IMMP2L: variants seen among roughly 807,000 people sequenced by gnomAD.
IMMP2L encodes mitochondrial inner membrane protease subunit 2.
IMMP2L carries 18 observed loss-of-function variants against 19.3 expected under a neutral mutation model. The observed-to-expected ratio is 0.93, with a 90% CI of 0.64 to 1.38. IMMP2L has a LOEUF of 1.38. IMMP2L is among the 40% of genes most tolerant of loss of function. The pLI is 0.00. For synonymous variants in IMMP2L, 76 were observed against 73.0 expected, an observed-to-expected ratio of 1.04 and a Z score of -0.21; for missense variants, 233 against 218.2, an observed-to-expected ratio of 1.07 and a Z score of -0.43.
At chr7:111,066,874 A>G (rs1794554146) in intron 3 of IMMP2L, among the ~76,000 whole-genome samples, 1 of 152,210 alleles carries the variant, frequency 6.6e-6, no homozygotes, top group Non-Finnish European at 1.5e-5. Context: ...GTTACATGGT[A>G]TCAGTCAACC....
intron 5 of IMMP2L, among the ~76,000 whole-genome samples, chr7:110,687,608 C>T (rs1217997230): frequency 6.6e-6 from 1 of 151,976 alleles, no homozygotes; most frequent in African/African-American, 2.4e-5. Context: ...TATTTTATAA[C>T]AAATTAGTTT....
intron 3 of IMMP2L, among the ~76,000 whole-genome samples, chr7:111,053,973 G>A (rs187806083): frequency 4.2e-4 from 64 of 152,130 alleles, no homozygotes; most frequent in Middle Eastern, 6.8e-3. Context: ...TTCATTTTCA[G>A]AGGGAAATTA....
intron 3 of IMMP2L, among the ~76,000 whole-genome samples, chr7:110,989,381 T>A (rs987623118): frequency 4.6e-5 from 7 of 151,422 alleles, no homozygotes; most frequent in Admixed American, 6.6e-5. Context: ...TACAAAAAAA[T>A]TTTTTAAAAA....
chr7:110,896,808 T>C (rs1585179316), intron 4 of IMMP2L, among the ~76,000 whole-genome samples: 1 of 151,786 alleles, frequency 6.6e-6, no homozygotes, highest in Admixed American at 6.6e-5. Flanking sequence ...TTCAGTGCAT[T>C]CTGCTTTTTT....
rs564417519 is a variant in IMMP2L at position 111,019,286 on chromosome 7, T to C, written c.240-55721A>G. Among the ~76,000 whole-genome samples the C allele has an allele frequency of 4.6e-5, 7 of 152,254 alleles. No individual in the cohort carries two copies. The East Asian group carries it at 1.4e-3, about 29-fold the overall frequency. On this transcript the variant is annotated intron_variant, in intron 3 of 5. Transcript: ENST00000405709. The stretch of plus-strand genomic sequence containing the variant: ...GCTCTTTGCTGCCTTTGCTCCAGTG[T>C]TCCAGGGCTTCCTTACTTTTTGCAA...
chr7:111,422,986 T>C (rs922753333), intron 3 of IMMP2L, among the ~76,000 whole-genome samples: 3 of 151,886 alleles, frequency 2.0e-5, no homozygotes, highest in African/African-American at 7.3e-5. Context: ...CATGTGGTTT[T>C]TGTCATTGGT....
intron 3 of IMMP2L, among the ~76,000 whole-genome samples, chr7:111,103,238 T>A (rs1477343946): frequency 6.6e-6 from 1 of 151,686 alleles, no homozygotes; most frequent in Non-Finnish European, 1.5e-5. Context: ...TGCAGATTTA[T>A]GGTTAATAAT....
At chr7:111,393,037 G>C in intron 3 of IMMP2L, 1 of 331,908 alleles carries the variant, frequency 3.0e-6, no homozygotes, top group Non-Finnish European at 6.0e-6. Context: ...GGCCATCAGT[G>C]ATTAGCTCAA....
intron 4 of IMMP2L, among the ~76,000 whole-genome samples, chr7:110,953,867 A>G (rs187632779): frequency 6.6e-6 from 1 of 152,156 alleles, no homozygotes; most frequent in African/African-American, 2.4e-5. Flanking sequence ...ATTCTAAGTG[A>G]CGTGAGATGG....
chr7:111,365,083 T>C (rs920603764), intron 3 of IMMP2L, among the ~76,000 whole-genome samples: 44 of 151,948 alleles, frequency 2.9e-4, no homozygotes, highest in African/African-American at 9.7e-4. Context: ...CAACAGGAAA[T>C]ACCTTAAGAA....
At chr7:111,467,147 G>A (rs1402614558) in intron 3 of IMMP2L, among the ~76,000 whole-genome samples, 2 of 152,118 alleles carry the variant, frequency 1.3e-5, no homozygotes, top group East Asian at 3.9e-4. Context: ...AGGCGAGAAG[G>A]CCCTGGTGTA....
At chr7:110,896,045 C>T (rs907435309) in intron 4 of IMMP2L, among the ~76,000 whole-genome samples, 1 of 152,128 alleles carries the variant, frequency 6.6e-6, no homozygotes, top group Admixed American at 6.5e-5. Flanking sequence ...TACTCTTGAA[C>T]TCCTAGCCTC....
chr7:111,163,382 T>A (rs2129607367), intron 3 of IMMP2L, among the ~76,000 whole-genome samples: 1 of 152,240 alleles, frequency 6.6e-6, no homozygotes, highest in South Asian at 2.1e-4. Context: ...TTGAGTTCAA[T>A]TCATGCTGGA....
At chr7:110,746,032 G>A (rs1165241755) in intron 5 of IMMP2L, among the ~76,000 whole-genome samples, 4 of 152,116 alleles carry the variant, frequency 2.6e-5, no homozygotes, top group Middle Eastern at 3.4e-3. Flanking sequence ...ACACACATAG[G>A]CTCAAAATAA....
intron 4 of IMMP2L, among the ~76,000 whole-genome samples, chr7:110,951,626 T>C (rs1817843740): frequency 6.6e-6 from 1 of 151,666 alleles, no homozygotes; most frequent in East Asian, 1.9e-4. Flanking sequence ...ATCCAGAAAA[T>C]AGAGAGATAC....
chr7:111,279,560 T>C (rs1424721862), intron 3 of IMMP2L, among the ~76,000 whole-genome samples: 2 of 152,152 alleles, frequency 1.3e-5, no homozygotes, highest in Non-Finnish European at 2.9e-5. Flanking sequence ...GAAAACCCTT[T>C]TTCTAAATAT....
intron 3 of IMMP2L, among the ~76,000 whole-genome samples, chr7:111,289,096 G>A (rs956483803): frequency 2.0e-5 from 3 of 152,066 alleles, no homozygotes; most frequent in Admixed American, 2.0e-4. Context: ...CCATAAAAAA[G>A]GATGAGTTCG....
intron 3 of IMMP2L, among the ~76,000 whole-genome samples, chr7:111,453,234 A>G (rs1406016878): frequency 6.6e-6 from 1 of 152,128 alleles, no homozygotes; most frequent in African/African-American, 2.4e-5. Flanking sequence ...ATCCCACTGT[A>G]TAGCTTGCTT....
chr7:111,031,131 A>G (rs1157449477), intron 3 of IMMP2L, among the ~76,000 whole-genome samples: 1 of 151,860 alleles, frequency 6.6e-6, no homozygotes, highest in Non-Finnish European at 1.5e-5. Context: ...TAATGTTTAT[A>G]GTTATATGTA....
Sources: allele counts gnomAD v4.1 joint callset (sites outside exome capture counted in the v4.1 genomes callset), GRCh38; gene constraint gnomAD v4.1.1; transcripts MANE v1.5; gene names NCBI Gene and HGNC (gene_info 2026-07-23, HGNC 2026-07-21).